PRKG1: variants seen among roughly 807,000 people sequenced by gnomAD.
The protein encoded by PRKG1 is cGMP-dependent protein kinase 1.
In PRKG1, 35 loss-of-function variants were observed where a neutral mutation model predicts 88.1. The observed-to-expected ratio is 0.40, with a 90% confidence interval of 0.30 to 0.53. PRKG1 has a LOEUF of 0.53. Among genes scored for constraint, PRKG1 ranks in the 20% least tolerant of loss-of-function variants. The pLI, the probability that PRKG1 is intolerant of heterozygous loss-of-function variation, is 0.59. For synonymous variants in PRKG1, 303 were observed against 292.5 expected (o/e 1.04, Z -0.37); for missense variants, 540 against 839.8 (o/e 0.64, Z 4.41).
chr10:51,203,020 C>T (rs1236567545), intron 2 of PRKG1, among the ~76,000 whole-genome samples: 3 of 151,814 alleles, frequency 2.0e-5, no homozygotes, highest in Non-Finnish European at 2.9e-5. Flanking sequence ...ATGATGTCAA[C>T]GGGGTGAGAT....
intron 3 of PRKG1, among the ~76,000 whole-genome samples, chr10:51,663,058 A>G (rs925286512): frequency 6.6e-6 from 1 of 152,122 alleles, no homozygotes; most frequent in African/African-American, 2.4e-5. Flanking sequence ...GTTTTAAATA[A>G]TGAATTTTAG....
At chr10:51,856,267 C>T (rs1467783224) in intron 4 of PRKG1, among the ~76,000 whole-genome samples, 1 of 152,194 alleles carries the variant, frequency 6.6e-6, no homozygotes, top group Non-Finnish European at 1.5e-5. Flanking sequence ...AACATATTTA[C>T]AGGTTCCGGG....
chr10:51,400,231 GAATA>G lies in PRKG1; in HGVS notation c.479-67477_479-67474del, dbSNP rs941182403. 5.9e-5 allele frequency among the ~76,000 whole-genome samples: 9 copies of G among 151,994 alleles called. 1 individual carries two copies. The highest frequency in any genetic ancestry group is 5.8e-4 in the East Asian group (3 of 5,180). On this transcript the variant is annotated intron_variant, in intron 2 of 17. Transcript: ENST00000373980. Reference sequence around the variant, plus strand: ...AAGACTGTATTTTTGTAGGGCAAATGAATAAATAAATAAATAAACAAGAATATAA... The same window carrying G: ...AAGACTGTATTTTTGTAGGGCAAATGAATAAATAAATAAACAAGAATATAA...
intron 2 of PRKG1, among the ~76,000 whole-genome samples, chr10:51,279,012 G>T (rs1385665596): frequency 1.3e-5 from 2 of 151,974 alleles, no homozygotes; most frequent in East Asian, 1.9e-4. Context: ...GAATGTGTTT[G>T]CTCTTGCTTC....
At chr10:51,021,636 T>C (rs1469611385) in intron 1 of PRKG1, among the ~76,000 whole-genome samples, 2 of 152,168 alleles carry the variant, frequency 1.3e-5, no homozygotes, top group Non-Finnish European at 2.9e-5. Flanking sequence ...TCTAATTGCC[T>C]ACAGATCTTC....
At chr10:51,561,030 T>G (rs916513691) in intron 3 of PRKG1, among the ~76,000 whole-genome samples, 8 of 151,760 alleles carry the variant, frequency 5.3e-5, no homozygotes, top group Non-Finnish European at 1.0e-4. Flanking sequence ...GAGGATTTCT[T>G]GAGCCCAGGA....
intron 2 of PRKG1, among the ~76,000 whole-genome samples, chr10:51,426,982 G>T (rs1199840021): frequency 6.6e-6 from 1 of 152,022 alleles, no homozygotes; most frequent in Non-Finnish European, 1.5e-5. Flanking sequence ...AGGTTTGTCT[G>T]GTTGGTTGGT....
At chr10:51,413,159 C>A (rs1272261096) in intron 2 of PRKG1, among the ~76,000 whole-genome samples, 2 of 152,146 alleles carry the variant, frequency 1.3e-5, no homozygotes, top group Admixed American at 1.3e-4. Context: ...CCATTCCAAA[C>A]TAAATGATAC....
At chr10:52,142,134 C>T (rs756486131) in intron 8 of PRKG1, among the ~76,000 whole-genome samples, 4 of 152,014 alleles carry the variant, frequency 2.6e-5, no homozygotes, top group Non-Finnish European at 4.4e-5. Context: ...ACCTCTTTTC[C>T]GAATCCTTTA....
rs367718291 is a variant in PRKG1 at position 52,036,118 on chromosome 10, G to A, written c.763-18366G>A. On this transcript the variant is annotated intron_variant, in intron 5 of 17. Transcript: ENST00000373980. ...TTTGGGCTTGATTGAAGTAATAGGGGCTGTCTGTGAAGCTTTGCGGCAGTA... is the reference window on the plus strand; with the variant it reads ...TTTGGGCTTGATTGAAGTAATAGGGACTGTCTGTGAAGCTTTGCGGCAGTA... Among the ~76,000 whole-genome samples the A allele has an allele frequency of 9.9e-5, 15 of 152,236 alleles. No individual in the cohort carries two copies. In the East Asian group the frequency reaches 2.9e-3, roughly 29 times the overall value.
chr10:51,873,957 T>C (rs1841225805), intron 4 of PRKG1, among the ~76,000 whole-genome samples: 1 of 152,250 alleles, frequency 6.6e-6, no homozygotes, highest in Non-Finnish European at 1.5e-5. Flanking sequence ...TTATACTTTA[T>C]TGTACTAAAT....
At chr10:51,497,865 T>C (rs765596724) in intron 3 of PRKG1, among the ~76,000 whole-genome samples, 2 of 152,162 alleles carry the variant, frequency 1.3e-5, no homozygotes, top group Non-Finnish European at 1.5e-5. Context: ...AAGAATAGTA[T>C]GGGAGGAAAA....
At chr10:52,145,414 CAT>C (rs1837704184) in intron 8 of PRKG1, among the ~76,000 whole-genome samples, 1 of 152,156 alleles carries the variant, frequency 6.6e-6, no homozygotes. Context: ...GTTTCTAAAT[CAT>C]AAATATCCAT....
chr10:51,129,262 G>A (rs893765102), intron 1 of PRKG1, among the ~76,000 whole-genome samples: 4 of 151,978 alleles, frequency 2.6e-5, no homozygotes, highest in African/African-American at 9.7e-5. Flanking sequence ...GATCACATGC[G>A]GTCAGGAGTT....
chr10:51,525,420 C>T (rs1055564888), intron 3 of PRKG1, among the ~76,000 whole-genome samples: 11 of 152,150 alleles, frequency 7.2e-5, no homozygotes, highest in African/African-American at 1.4e-4. Flanking sequence ...GAAATGCAGC[C>T]GGGTGCAGTG....
Position 51,490,740 on chromosome 10 carries a change from TC to T in PRKG1, c.592+22905del, listed in dbSNP as rs551614051. Among the ~76,000 whole-genome samples, 752 of 152,178 alleles carry T rather than the reference TC, an allele frequency of 4.9e-3. 4 individuals are homozygous for T. Among genetic ancestry groups the T allele is most frequent in the African/African-American group, 0.017 (725 of 41,550 alleles). ...AATACAGGTGCAGAGAGATATGAGC[TC>T]TCACATATTCTTGGTGTGAATATAA... is the stretch of plus-strand genomic sequence containing the variant. On this transcript the variant is annotated intron_variant, in intron 3 of 17. Transcript: ENST00000373980.
chr10:52,169,873 G>GT (rs1279716855), intron 9 of PRKG1, among the ~76,000 whole-genome samples: 3 of 152,220 alleles, frequency 2.0e-5, no homozygotes, highest in Non-Finnish European at 4.4e-5. Flanking sequence ...AGAGAAGAGA[G>GT]TTTAAGACTG....
intron 7 of PRKG1, among the ~76,000 whole-genome samples, chr10:52,101,350 C>A (rs1160660806): frequency 1.5e-5 from 2 of 130,744 alleles, no homozygotes; most frequent in African/African-American, 4.9e-5. Context: ...TTTACCATAA[C>A]CACATTATAT....
At chr10:51,175,542 A>C (rs541146021) in intron 2 of PRKG1, among the ~76,000 whole-genome samples, 1 of 152,194 alleles carries the variant, frequency 6.6e-6, no homozygotes, top group East Asian at 1.9e-4. Context: ...CACCCGGAAG[A>C]TAAAAACATA....
Sources: allele counts gnomAD v4.1 joint callset (sites outside exome capture counted in the v4.1 genomes callset), GRCh38; gene constraint gnomAD v4.1.1; transcripts MANE v1.5; gene names NCBI Gene and HGNC (gene_info 2026-07-23, HGNC 2026-07-21).